Variants in DGKD observed in about 807,000 individuals in gnomAD.
The protein encoded by DGKD is diacylglycerol kinase delta.
DGKD carries 68 observed loss-of-function variants against 154.4 expected under a neutral mutation model. That is an observed-to-expected ratio of 0.44 (90% CI 0.36 to 0.54). The LOEUF (loss-of-function observed/expected upper bound fraction) is 0.54, where lower values mean the gene tolerates loss of function less well. DGKD is among the 20% of genes least tolerant of loss of function. The pLI, the probability that DGKD is intolerant of heterozygous loss-of-function variation, is 0.00. For synonymous variants in DGKD, 693 were observed against 638.0 expected, an observed-to-expected ratio of 1.09 and a Z score of -1.30; for missense variants, 1,343 against 1,593.6, an observed-to-expected ratio of 0.84 and a Z score of 2.68.
At position 233,457,087 on chromosome 2, in the gene DGKD, ATGC is replaced by A. The variant is rs2063484310; in HGVS notation, c.2472+93_2472+95del. 15 of 1,338,650 alleles carry A rather than the reference ATGC, an allele frequency of 1.1e-5. 1 individual carries two copies. The South Asian group carries it at 1.8e-4, about 16-fold the overall frequency. 82.9% of individuals were successfully genotyped at this position (1,338,650 alleles called of 1,614,324 possible). ...GCTTCTCCTGTTGACCATTTCCTCC[ATGC>A]ACAGGGACTTGCCTGGGGATGCCCT... On this transcript the variant is annotated intron_variant, in intron 20 of 29. Coordinates refer to ENST00000264057, the MANE Select transcript of DGKD (RefSeq NM_152879.3). This position sits in a 1 kb window ranked among gnomAD's most constrained non-coding sequence, Gnocchi z 5.5.
At chr2:233,385,528 T>C in intron 1 of DGKD, among the ~76,000 whole-genome samples, 1 of 152,196 alleles carries the variant, frequency 6.6e-6, no homozygotes, top group East Asian at 1.9e-4. Flanking sequence ...TGTTTGTGCA[T>C]AGAACCCAAC....
chr2:233,455,937 A>G (rs2063446372), intron 19 of DGKD, among the ~76,000 whole-genome samples: 2 of 152,226 alleles, frequency 1.3e-5, no homozygotes, highest in Admixed American at 1.3e-4. Flanking sequence ...CAGGATGGTA[A>G]CGTCAGATCA....
intron 3 of DGKD, among the ~76,000 whole-genome samples, chr2:233,403,187 C>A (rs1005694896): frequency 1.3e-5 from 2 of 152,136 alleles, no homozygotes; most frequent in African/African-American, 4.8e-5. Flanking sequence ...AGGTACAAGT[C>A]CTCCTGTATG....
chr2:233,406,949 G>C (rs2061701235), intron 3 of DGKD, among the ~76,000 whole-genome samples: 1 of 152,154 alleles, frequency 6.6e-6, no homozygotes, highest in African/African-American at 2.4e-5. Context: ...TTTTCCCCAA[G>C]TAATATTTTT....
chr2:233,372,517 T>G (rs559026621), intron 1 of DGKD, among the ~76,000 whole-genome samples: 2 of 152,332 alleles, frequency 1.3e-5, no homozygotes, highest in East Asian at 3.9e-4. Flanking sequence ...CTCCTTTCTC[T>G]CTGTGGTTGC....
At position 233,471,381 on chromosome 2, in the gene DGKD, A is replaced by C. The variant is rs1209699100; in HGVS notation, c.*1921A>C. 1 of 152,430 alleles carries C rather than the reference A, an allele frequency of 6.6e-6. No homozygotes were observed. The highest frequency in any genetic ancestry group is 1.5e-5 in the Non-Finnish European group (1 of 68,090). The allele number at this position is 152,430 out of a possible 1,614,324, so 9.4% of individuals were successfully genotyped here. ...GAGGGAGAAATAAGCCAGCCACGGC[A>C]GTCGCTTGGTTTCCCAGGTGGAATG... is the stretch of plus-strand genomic sequence containing the variant. On this transcript the variant is annotated 3_prime_UTR_variant, in exon 30 of 30. Coordinates refer to ENST00000264057, the MANE Select transcript of DGKD (RefSeq NM_152879.3).
chr2:233,389,804 C>T (rs551598586), intron 2 of DGKD, among the ~76,000 whole-genome samples: 1 of 152,116 alleles, frequency 6.6e-6, no homozygotes. Context: ...GGGGAGGTCC[C>T]CAGGCCTGAC....
In DGKD at chr2:233,460,277, G is replaced by A. The variant is rs541580410; in HGVS notation, c.2913G>A (p.Glu971=). The stretch of plus-strand genomic sequence containing the variant: ...CTCCATCCTGTTCCCTGCACCCGGA[G>A]ATGCTGTCCGAGGAGGAGGCCACCC... ...PRPPSCSLHP[E]MLSEEEATQM... Residue 971 remains glutamate, a synonymous_variant, in exon 24 of 30, where the codon GAG becomes GAA. Transcript: ENST00000264057. The A allele has an allele frequency of 6.2e-7, 1 of 1,614,038 alleles. No homozygotes were observed. The highest frequency in any genetic ancestry group is 1.1e-5 in the South Asian group (1 of 91,080).
intron 27 of DGKD, among the ~76,000 whole-genome samples, chr2:233,466,605 G>A (rs2063830910): frequency 1.3e-5 from 2 of 152,110 alleles, no homozygotes; most frequent in African/African-American, 4.8e-5. Flanking sequence ...CCTCTGTGTG[G>A]CTCCGCTCTT....
At chr2:233,467,999 AT>A (rs964839556) in intron 28 of DGKD, among the ~76,000 whole-genome samples, 5 of 152,086 alleles carry the variant, frequency 3.3e-5, no homozygotes, top group African/African-American at 9.7e-5. Flanking sequence ...TCATGAGGAC[AT>A]TTCCCTCATA....
chr2:233,386,464 T>C (rs1454288231), intron 1 of DGKD, among the ~76,000 whole-genome samples: 2 of 151,552 alleles, frequency 1.3e-5, no homozygotes, highest in African/African-American at 2.4e-5. Flanking sequence ...GGGTGGGACT[T>C]TCTGTCTGCC....
intron 14 of DGKD, among the ~76,000 whole-genome samples, chr2:233,448,683 T>G (rs761322967): frequency 1.2e-4 from 19 of 152,138 alleles, no homozygotes; most frequent in Non-Finnish European, 2.6e-4. Flanking sequence ...GCTCACCTCA[T>G]GTAAATGAAG....
rs1702773458 is a variant in DGKD, at chr2:233,379,520, T to A, written c.157-8737T>A. On this transcript the variant is annotated intron_variant, in intron 1 of 29. Transcript: ENST00000264057. ...GCTTCTTCCAGTCACCTGGGAGTTT[T>A]TAACACTGTGGCTCCCTGCCCCCTC... Among the ~76,000 whole-genome samples the A allele has an allele frequency of 2.6e-5, 4 of 152,130 alleles. No homozygotes were observed. In the South Asian group the frequency reaches 8.3e-4, roughly 31 times the overall value.
chr2:233,427,494 C>T (rs1395680125), intron 3 of DGKD, among the ~76,000 whole-genome samples: 1 of 152,108 alleles, frequency 6.6e-6, no homozygotes, highest in African/African-American at 2.4e-5. Context: ...GTACATGCCA[C>T]CACGTCCAGC....
rs376762589 is a variant in DGKD at position 233,459,914 on chromosome 2, C to G, written c.2829+23C>G. 33 of 1,610,442 alleles carry G rather than the reference C, an allele frequency of 2.0e-5. No homozygotes were observed. Among genetic ancestry groups the G allele is most frequent in the Non-Finnish European group, 2.5e-5 (30 of 1,178,120 alleles). Reference sequence around the variant, plus strand: ...AGGGTAAGAGCGGCTGCCCGCGGTACCTGGGTGGGGTACAGGGCTCACCTG... The same window carrying G: ...AGGGTAAGAGCGGCTGCCCGCGGTAGCTGGGTGGGGTACAGGGCTCACCTG... On this transcript the variant is annotated intron_variant, in intron 23 of 29. Transcript: ENST00000264057. The surrounding 1 kb of genome is among the most constrained non-coding windows in gnomAD (Gnocchi z 5.7).
At chr2:233,362,725 C>T (rs748356791) in intron 1 of DGKD, among the ~76,000 whole-genome samples, 2 of 152,276 alleles carry the variant, frequency 1.3e-5, no homozygotes, top group African/African-American at 4.8e-5. Context: ...TGAACAGATT[C>T]GATAGCCGTA....
intron 7 of DGKD, 31 bp downstream of exon 7, chr2:233,436,472 G>A: frequency 6.2e-7 from 1 of 1,602,204 alleles, no homozygotes; most frequent in Non-Finnish European, 8.5e-7. Flanking sequence ...CGGGCTGGAG[G>A]GGAGGGCTTG....
In DGKD at chr2:233,452,399, C is replaced by G. The variant is rs1269726429; in HGVS notation, c.2264+339C>G. On this transcript the variant is annotated intron_variant, in intron 18 of 29. Transcript: ENST00000264057. This position sits in a 1 kb window ranked among gnomAD's most constrained non-coding sequence, Gnocchi z 4.0. ...CCTTGTGCTGCTCTTCGTGGTCACT[C>G]TCCCATGATCTTGGCTGGACCTCAC... Among the ~76,000 whole-genome samples, 1 of 152,200 alleles carries G rather than the reference C, an allele frequency of 6.6e-6. No individual in the cohort carries two copies. Among genetic ancestry groups the G allele is most frequent in the Non-Finnish European group, 1.5e-5 (1 of 68,038 alleles).
At chr2:233,422,040 C>G (rs879612802) in intron 3 of DGKD, among the ~76,000 whole-genome samples, 1 of 152,172 alleles carries the variant, frequency 6.6e-6, no homozygotes, top group Non-Finnish European at 1.5e-5. Context: ...GACCTTGAGG[C>G]CCCCTAAGTG....
Sources: gnomAD v4.1 joint callset for allele counts (sites outside exome capture counted in the v4.1 genomes callset) on GRCh38, gnomAD v4.1.1 for gene constraint, Gnocchi (gnomAD v3.1) non-coding constraint, MANE v1.5 for transcripts, NCBI Gene and HGNC (gene_info 2026-07-23, HGNC 2026-07-21) for gene names.